The following ADAMTS18 variants were observed in gnomAD, a reference collection of about 807,000 sequenced individuals.
The protein encoded by ADAMTS18 is A disintegrin and metalloproteinase with thrombospondin motifs 18.
Under a neutral mutation model 165.9 loss-of-function variants are expected in ADAMTS18, and 157 were observed. The ratio of observed to expected loss-of-function variants is 0.95; its 90% CI spans 0.83 to 1.08. The LOEUF (loss-of-function observed/expected upper bound fraction) is 1.08, where lower values mean the gene tolerates loss of function less well. Ranked by LOEUF, ADAMTS18 falls within the 50% of genes least tolerant of loss-of-function variation. The pLI is 0.00. For synonymous variants in ADAMTS18, 782 were observed against 578.2 expected, an observed-to-expected ratio of 1.35 and a Z score of -5.06; for missense variants, 2,040 against 1,534.0, an observed-to-expected ratio of 1.33 and a Z score of -5.51.
At chr16:77,401,768 G>C (rs760858138) in intron 3 of ADAMTS18, among the ~76,000 whole-genome samples, 19 of 152,176 alleles carry the variant, frequency 1.2e-4, no homozygotes, top group East Asian at 3.9e-4. Context: ...TGAGGGTCTA[G>C]ACAGAACGAA....
intron 13 of ADAMTS18, among the ~76,000 whole-genome samples, chr16:77,322,710 G>A (rs1256621347): frequency 6.6e-6 from 1 of 152,182 alleles, no homozygotes; most frequent in Non-Finnish European, 1.5e-5. Context: ...CTTAGGGATA[G>A]TCACCATACA....
chr16:77,285,383 C>T (rs1490990814), intron 22 of ADAMTS18, among the ~76,000 whole-genome samples: 1 of 152,136 alleles, frequency 6.6e-6, no homozygotes, highest in Non-Finnish European at 1.5e-5. Context: ...ATGTTGGTCA[C>T]GCTGGTCTCG....
chr16:77,389,450 C>T (rs983056414), intron 3 of ADAMTS18, among the ~76,000 whole-genome samples: 3 of 152,116 alleles, frequency 2.0e-5, no homozygotes, highest in Non-Finnish European at 4.4e-5. Context: ...CCTCTCATGA[C>T]AGTGTGTGTC....
At chr16:77,326,121 T>C (rs186706006) in intron 12 of ADAMTS18, 83 bp from the exon 13 acceptor site, 35,423 of 1,381,190 alleles carry the variant, frequency 0.026, 576 homozygotes, top group Middle Eastern at 0.036. Context: ...AGAGAGGCAA[T>C]GAAGATGAGC....
chr16:77,327,389 TC>T (rs2056113727), intron 12 of ADAMTS18, among the ~76,000 whole-genome samples: 1 of 152,192 alleles, frequency 6.6e-6, no homozygotes, highest in Middle Eastern at 3.2e-3. Context: ...TGCCTTTGCA[TC>T]CTCATACCTT....
chr16:77,355,866 G>A lies in ADAMTS18; in HGVS notation c.1460+74C>T, dbSNP rs749609170. ...CAAAAGGTATTTCCACTGAGTATTC[G>A]TTTGCAGGTCTATGGAGCACAATTC... On this transcript the variant is annotated intron_variant, in intron 9 of 22. Coordinates refer to ENST00000282849, the MANE Select transcript of ADAMTS18 (RefSeq NM_199355.4). 4.5e-5 allele frequency: 71 copies of A among 1,570,228 alleles called. 1 individual carries two copies. Among genetic ancestry groups the A allele is most frequent in the Non-Finnish European group, 5.7e-5 (65 of 1,141,318 alleles).
chr16:77,321,346 G>A lies in ADAMTS18; in HGVS notation c.2164-144C>T. ...TGGTTAAAAATCACAGCCTCAAGTT[G>A]GACTCACTTGGGGTTCAAATCCCTC... On this transcript the variant is annotated intron_variant, in intron 14 of 22. Coordinates refer to ENST00000282849, the MANE Select transcript of ADAMTS18 (RefSeq NM_199355.4). 3.7e-6 allele frequency: 4 copies of A among 1,083,000 alleles called. No individual in the cohort carries two copies. In the East Asian group the frequency reaches 7.7e-5, roughly 21 times the overall value. The allele number at this position is 1,083,000 out of a possible 1,614,324, so 67.1% of individuals were successfully genotyped here.
intron 12 of ADAMTS18, among the ~76,000 whole-genome samples, chr16:77,334,681 GTATATA>G (rs575424017): frequency 1.4e-4 from 15 of 106,288 alleles, no homozygotes; most frequent in East Asian, 1.3e-3. Context: ...ATATACTATA[GTATATA>G]TATATAGTAT....
At chr16:77,426,917 G>A (rs1338954856) in intron 3 of ADAMTS18, among the ~76,000 whole-genome samples, 1 of 152,186 alleles carries the variant, frequency 6.6e-6, no homozygotes, top group Non-Finnish European at 1.5e-5. Context: ...GGGGGGCTGA[G>A]TTGGGAGTAT....
At position 77,361,088 on chromosome 16, in the gene ADAMTS18, A is replaced by G. The variant is rs549597041; in HGVS notation, c.1216+1017T>C. Among the ~76,000 whole-genome samples, 315 of 104,740 alleles carry G rather than the reference A, an allele frequency of 3.0e-3. 1 individual carries two copies. The highest frequency in any genetic ancestry group is 4.5e-3 in the Non-Finnish European group (199 of 44,166). The allele number at this position is 104,740 out of a possible 152,430, so 68.7% of individuals were successfully genotyped here. A position where few individuals can be genotyped will look rare whatever the true frequency, so the allele number is the denominator to read the frequency against. On this transcript the variant is annotated intron_variant, in intron 7 of 22. Transcript: ENST00000282849. ...GTGACAAGAACAAGACACCATCTCA[A>G]AAAAATAAAAAAAATTCATAAAGTT...
intron 10 of ADAMTS18, among the ~76,000 whole-genome samples, chr16:77,347,501 A>T (rs1481252888): frequency 6.6e-6 from 1 of 152,184 alleles, no homozygotes; most frequent in Non-Finnish European, 1.5e-5. Flanking sequence ...TCTCCATTCC[A>T]GTCAGTGTGC....
chr16:77,285,253 T>C (rs919615846), intron 22 of ADAMTS18, among the ~76,000 whole-genome samples: 1 of 152,140 alleles, frequency 6.6e-6, no homozygotes, highest in Non-Finnish European at 1.5e-5. Flanking sequence ...GCTCACTGCA[T>C]CCTCCGCCTC....
chr16:77,434,038 T>C (rs1254707207), intron 2 of ADAMTS18, among the ~76,000 whole-genome samples: 1 of 152,142 alleles, frequency 6.6e-6, no homozygotes, highest in East Asian at 1.9e-4. Context: ...GCTCACATTC[T>C]TTCATCTCCC....
At chr16:77,410,777 G>C (rs368431560) in intron 3 of ADAMTS18, among the ~76,000 whole-genome samples, 1 of 152,120 alleles carries the variant, frequency 6.6e-6, no homozygotes. Flanking sequence ...TTTCAGAAAT[G>C]AGCTGGACCC....
chr16:77,379,145 G>A (rs1240809623), intron 3 of ADAMTS18, among the ~76,000 whole-genome samples: 2 of 152,166 alleles, frequency 1.3e-5, no homozygotes, highest in African/African-American at 4.8e-5. Flanking sequence ...AAAGAGAAGT[G>A]ACCAATGGCA....
At chr16:77,357,880 C>G (rs2056654488) in intron 8 of ADAMTS18, among the ~76,000 whole-genome samples, 1 of 152,138 alleles carries the variant, frequency 6.6e-6, no homozygotes, top group Admixed American at 6.5e-5. Flanking sequence ...CTCCTGAATC[C>G]TACCTGAAGA....
chr16:77,410,080 A>G (rs1167350206), intron 3 of ADAMTS18, among the ~76,000 whole-genome samples: 1 of 152,078 alleles, frequency 6.6e-6, no homozygotes, highest in Non-Finnish European at 1.5e-5. Flanking sequence ...CATGGCTAAG[A>G]ATTACCACAC....
intron 11 of ADAMTS18, among the ~76,000 whole-genome samples, chr16:77,337,846 C>A (rs1441578336): frequency 1.3e-5 from 2 of 151,638 alleles, no homozygotes; most frequent in African/African-American, 4.8e-5. Flanking sequence ...TAAAATTCTA[C>A]ATAGAAAATG....
At position 77,300,472 on chromosome 16, in the gene ADAMTS18, C is replaced by T. The variant is rs374484678; in HGVS notation, c.2533-68G>A. 241 of 1,544,014 alleles carry T rather than the reference C, an allele frequency of 1.6e-4. 13 individuals are homozygous for T. The East Asian group carries it at 1.8e-3, about 12-fold the overall frequency. On this transcript the variant is annotated intron_variant, in intron 16 of 22. Coordinates refer to ENST00000282849, the MANE Select transcript of ADAMTS18 (RefSeq NM_199355.4). ...AGACCCTGGAATTCCAGAAATCTTA[C>T]TGAACATTTTAAAGATATTTACATG...
Sources: allele counts gnomAD v4.1 joint callset (sites outside exome capture counted in the v4.1 genomes callset), GRCh38; gene constraint gnomAD v4.1.1; transcripts MANE v1.5; gene names NCBI Gene and HGNC (gene_info 2026-07-23, HGNC 2026-07-21).